MAMDC2: variants seen among roughly 807,000 people sequenced by gnomAD.
MAMDC2 encodes MAM domain-containing protein 2.
A neutral mutation model predicts 89.8 loss-of-function variants in MAMDC2; 57 were observed. That is an observed-to-expected ratio of 0.63 (90% confidence interval 0.51 to 0.79). MAMDC2 has a LOEUF of 0.79. Ranked by LOEUF, MAMDC2 falls within the 30% of genes least tolerant of loss-of-function variation. The probability of loss-of-function intolerance (pLI) is 0.00; values close to 1 mark genes in which losing one functional copy is unlikely to be tolerated. For missense variants in MAMDC2, 800 were observed against 820.6 expected, an observed-to-expected ratio of 0.97 and a Z score of 0.31; for synonymous variants, 313 against 293.4, an observed-to-expected ratio of 1.07 and a Z score of -0.68.
chr9:70,115,802 A>G (rs2029959269), intron 5 of MAMDC2, among the ~76,000 whole-genome samples: 1 of 152,228 alleles, frequency 6.6e-6, no homozygotes, highest in South Asian at 2.1e-4. Flanking sequence ...ATGAATCTGC[A>G]TGAGTATTTT....
At chr9:70,054,802 C>T (rs1042704852) in intron 2 of MAMDC2, among the ~76,000 whole-genome samples, 1 of 152,092 alleles carries the variant, frequency 6.6e-6, no homozygotes, top group African/African-American at 2.4e-5. Context: ...GGCTTGTGGG[C>T]ACTGGAGTGT....
intron 2 of MAMDC2, among the ~76,000 whole-genome samples, chr9:70,054,434 G>A (rs1305892662): frequency 1.3e-5 from 2 of 152,106 alleles, no homozygotes; most frequent in African/African-American, 4.8e-5. Flanking sequence ...TCAAAAGGAG[G>A]ACGTGATCAG....
At chr9:70,208,847 C>A (rs373023318) in intron 11 of MAMDC2, among the ~76,000 whole-genome samples, 1 of 152,124 alleles carries the variant, frequency 6.6e-6, no homozygotes, top group Non-Finnish European at 1.5e-5. Context: ...TGAAGGGCTG[C>A]TGAATTTTGT....
chr9:70,113,094 C>G lies in MAMDC2; in HGVS notation c.605C>G (p.Ser202Cys), dbSNP rs752518052. ...GGAGGAAGTATTCGGAATGTCCACT[C>G]CATTCTCCCACAGGATCACACCTTC... ...VGGGSIRNVH[S>C]ILPQDHTFKS... The change falls in exon 5 of 14, where the codon TCC (serine) becomes TGC (cysteine). Residue 202 changes from serine (S) to cysteine (C), a missense_variant. By Grantham distance (112) the Ser-to-Cys change is moderately radical. Transcript: ENST00000377182. 1 of 1,614,080 alleles carries G rather than the reference C, an allele frequency of 6.2e-7. No homozygotes were observed.
intron 11 of MAMDC2, among the ~76,000 whole-genome samples, chr9:70,187,334 A>AT (rs1200940576): frequency 6.6e-6 from 1 of 151,908 alleles, no homozygotes; most frequent in East Asian, 1.9e-4. Context: ...CAATTAAAAA[A>AT]TTTTTTTTGA....
chr9:70,171,464 C>A (rs866280304), intron 11 of MAMDC2, among the ~76,000 whole-genome samples: 5 of 152,070 alleles, frequency 3.3e-5, no homozygotes, highest in Admixed American at 6.5e-5. Context: ...CATGCCATTG[C>A]ACCCAGCTTG....
intron 2 of MAMDC2, among the ~76,000 whole-genome samples, chr9:70,096,915 G>A (rs1403251888): frequency 1.3e-5 from 2 of 152,068 alleles, no homozygotes; most frequent in Non-Finnish European, 2.9e-5. Flanking sequence ...ATAAATAAGG[G>A]CCACCTCTAA....
In MAMDC2 at chr9:70,099,980, AAGAGAGAGAGAGAG is replaced by A. The variant is rs60292765; in HGVS notation, c.149-8200_149-8187del. Among the ~76,000 whole-genome samples, 1,015 of 115,618 alleles carry A rather than the reference AAGAGAGAGAGAGAG, an allele frequency of 8.8e-3. 6 individuals carry two copies. Among genetic ancestry groups the A allele is most frequent in the African/African-American group, 0.026 (805 of 31,204 alleles). The allele number at this position is 115,618 out of a possible 152,430, so 75.8% of individuals were successfully genotyped here. On this transcript the variant is annotated intron_variant, in intron 2 of 13. Coordinates refer to ENST00000377182, the MANE Select transcript of MAMDC2 (RefSeq NM_153267.5). ...ACAGAGCAAGACTCTGCCAAAAAGAAAGAGAGAGAGAGAGAGAGAGAGAGAGAGAGAGAGAGAGA... is the reference window on the plus strand; with the variant it reads ...ACAGAGCAAGACTCTGCCAAAAAGAAAGAGAGAGAGAGAGAGAGAGAGAGA...
At chr9:70,106,647 G>A (rs373771431) in intron 2 of MAMDC2, among the ~76,000 whole-genome samples, 5 of 152,232 alleles carry the variant, frequency 3.3e-5, no homozygotes, top group African/African-American at 7.2e-5. Context: ...TCGCCTGTAC[G>A]TGGGAGGTAT....
chr9:70,209,969 T>C (rs1259224726), intron 11 of MAMDC2, among the ~76,000 whole-genome samples: 1 of 152,180 alleles, frequency 6.6e-6, no homozygotes, highest in Non-Finnish European at 1.5e-5. Context: ...AAATTCTGAG[T>C]TCTAGTTTGA....
At chr9:70,195,459 T>C (rs1428623819) in intron 11 of MAMDC2, among the ~76,000 whole-genome samples, 1 of 152,100 alleles carries the variant, frequency 6.6e-6, no homozygotes, top group African/African-American at 2.4e-5. Context: ...TCCCCTCTTA[T>C]CTGTGATCTT....
chr9:70,161,311 GA>G (rs1362466282), intron 9 of MAMDC2, among the ~76,000 whole-genome samples: 1 of 152,210 alleles, frequency 6.6e-6, no homozygotes, highest in Non-Finnish European at 1.5e-5. Context: ...CCTGGGAGCA[GA>G]AAGACTTTCA....
At chr9:70,163,107 A>G (rs1215537461) in intron 9 of MAMDC2, among the ~76,000 whole-genome samples, 2 of 152,128 alleles carry the variant, frequency 1.3e-5, no homozygotes, top group Non-Finnish European at 2.9e-5. Flanking sequence ...AAAGCAGGAA[A>G]TTGGAACAAT....
At chr9:70,114,491 C>G (rs2975890) in intron 5 of MAMDC2, among the ~76,000 whole-genome samples, 40,464 of 151,658 alleles carry the variant, frequency 0.27, 5,593 homozygotes, top group East Asian at 0.38. Context: ...ACTTGCCGGT[C>G]AGGCCCTGTT....
chr9:70,078,780 A>G lies in MAMDC2; in HGVS notation c.149-29431A>G, dbSNP rs1327489918. Among the ~76,000 whole-genome samples the G allele has an allele frequency of 2.0e-5, 3 of 152,192 alleles. No homozygotes were observed. The East Asian group carries it at 5.8e-4, about 29-fold the overall frequency. On this transcript the variant is annotated intron_variant, in intron 2 of 13. Transcript: ENST00000377182. ...TAAAGGATTTGCGTTCCTCCAATGA[A>G]AATTCTTTTCTTTTCTCAGCTGTTA...
chr9:70,061,468 C>A (rs1827149587), intron 2 of MAMDC2, among the ~76,000 whole-genome samples: 1 of 152,106 alleles, frequency 6.6e-6, no homozygotes, highest in Non-Finnish European at 1.5e-5. Flanking sequence ...ATATCTTTCC[C>A]CTCCTATTAG....
chr9:70,108,563 A>C, intron 3 of MAMDC2, 81 bp downstream of exon 3: 2 of 1,297,826 alleles, frequency 1.5e-6, no homozygotes, highest in Non-Finnish European at 2.1e-6. Context: ...AACTTCTGAC[A>C]TGGAGGTTAG....
intron 9 of MAMDC2, among the ~76,000 whole-genome samples, chr9:70,149,255 G>A (rs1032195642): frequency 6.6e-6 from 1 of 150,764 alleles, no homozygotes; most frequent in Non-Finnish European, 1.5e-5. Context: ...GCTTTATAAT[G>A]CTGATGTCCA....
At chr9:70,199,818 T>C (rs2033059681) in intron 11 of MAMDC2, among the ~76,000 whole-genome samples, 1 of 147,916 alleles carries the variant, frequency 6.8e-6, no homozygotes, top group Non-Finnish European at 1.5e-5. Context: ...TGAGCATTTT[T>C]TCATGTGTTT....
Sources: allele counts gnomAD v4.1 joint callset (sites outside exome capture counted in the v4.1 genomes callset), GRCh38; gene constraint gnomAD v4.1.1; transcripts MANE v1.5; gene names NCBI Gene and HGNC (gene_info 2026-07-23, HGNC 2026-07-21).